Variants in HIP1 observed in about 807,000 individuals in gnomAD.
HIP1 encodes huntingtin-interacting protein 1.
In HIP1, 65 loss-of-function variants were observed where a neutral mutation model predicts 147.6. The ratio of observed to expected loss-of-function variants is 0.44; its 90% CI spans 0.36 to 0.54. The LOEUF (loss-of-function observed/expected upper bound fraction) is 0.54, where lower values mean the gene tolerates loss of function less well. HIP1 is among the 20% of genes least tolerant of loss of function. HIP1 has a pLI of 0.00. For missense variants in HIP1, 1,061 were observed against 1,299.6 expected, an observed-to-expected ratio of 0.82 and a Z score of 2.82; for synonymous variants, 479 against 504.0, an observed-to-expected ratio of 0.95 and a Z score of 0.67.
At chr7:75,603,525 C>A (rs182585870) in intron 1 of HIP1, among the ~76,000 whole-genome samples, 2 of 151,960 alleles carry the variant, frequency 1.3e-5, no homozygotes, top group Non-Finnish European at 2.9e-5. Context: ...GAATGACATG[C>A]GATGCTTCCC....
intron 1 of HIP1, among the ~76,000 whole-genome samples, chr7:75,726,110 C>A (rs141364549): frequency 1.3e-5 from 2 of 152,146 alleles, no homozygotes. Flanking sequence ...TCACAAACTG[C>A]TAGGATTGCA....
chr7:75,728,996 C>A (rs1801742261), intron 1 of HIP1, among the ~76,000 whole-genome samples: 1 of 150,782 alleles, frequency 6.6e-6, no homozygotes. Context: ...ACCTAGGTGA[C>A]AGGATCATTC....
chr7:75,615,374 G>GT (rs1427958391), intron 1 of HIP1, among the ~76,000 whole-genome samples: 3 of 151,866 alleles, frequency 2.0e-5, no homozygotes, highest in Non-Finnish European at 4.4e-5. Flanking sequence ...GGGCAACATG[G>GT]TAAGACCCCA....
At chr7:75,670,878 T>C (rs1353522956) in intron 1 of HIP1, among the ~76,000 whole-genome samples, 1 of 145,922 alleles carries the variant, frequency 6.9e-6, no homozygotes, top group African/African-American at 2.6e-5. Flanking sequence ...TACCTCTGCC[T>C]CCCAAAGTGC....
chr7:75,551,272 A>T (rs1794773899), intron 22 of HIP1, among the ~76,000 whole-genome samples: 1 of 131,952 alleles, frequency 7.6e-6, no homozygotes, highest in African/African-American at 2.9e-5. Context: ...ATCTCGGCTC[A>T]CTGCAGCCTC....
intron 1 of HIP1, among the ~76,000 whole-genome samples, chr7:75,728,724 ATCT>A (rs1468190047): frequency 3.4e-5 from 5 of 146,930 alleles, no homozygotes; most frequent in Non-Finnish European, 7.4e-5. Flanking sequence ...ATTTTTTTTA[ATCT>A]TCTTTTTCAG....
intron 4 of HIP1, among the ~76,000 whole-genome samples, chr7:75,590,891 C>T (rs1289336000): frequency 1.3e-5 from 2 of 152,112 alleles, no homozygotes; most frequent in South Asian, 2.1e-4. Flanking sequence ...CCTGTGTTTC[C>T]TCACCTATGA....
At chr7:75,552,864 A>ATT (rs145931380) in intron 22 of HIP1, among the ~76,000 whole-genome samples, 6 of 144,810 alleles carry the variant, frequency 4.1e-5, no homozygotes, top group South Asian at 2.2e-4. Context: ...TCCTTTTTAA[A>ATT]TTTTTTTTTT....
intron 1 of HIP1, among the ~76,000 whole-genome samples, chr7:75,684,625 T>C (rs190354821): frequency 2.0e-4 from 30 of 152,214 alleles, no homozygotes; most frequent in Non-Finnish European, 3.8e-4. Flanking sequence ...CTGATTAGTA[T>C]CCCACTGTAC....
intron 1 of HIP1, among the ~76,000 whole-genome samples, chr7:75,681,509 T>A (rs1371881018): frequency 1.8e-5 from 2 of 113,476 alleles, no homozygotes; most frequent in Non-Finnish European, 4.0e-5. Flanking sequence ...TTTTTTTTTT[T>A]TTTTTTTTTT....
chr7:75,716,210 A>G (rs1158997645), intron 1 of HIP1, among the ~76,000 whole-genome samples: 2 of 151,844 alleles, frequency 1.3e-5, no homozygotes, highest in African/African-American at 2.4e-5. Context: ...AATCATCACC[A>G]ATCTACGATT....
chr7:75,597,865 T>G lies in HIP1; in HGVS notation c.184+1319A>C, dbSNP rs1259250772. Among the ~76,000 whole-genome samples, 5 of 152,014 alleles carry G rather than the reference T, an allele frequency of 3.3e-5. No homozygotes were observed. The East Asian group carries it at 9.6e-4, about 29-fold the overall frequency. ...ACTCTCTCCTTCAGCCTTTGGGGAT[T>G]AAGCGCTCCAGTTCCTGGATTCTGC... On this transcript the variant is annotated intron_variant, in intron 2 of 30. Transcript: ENST00000336926.
chr7:75,646,640 G>A (rs909998075), intron 1 of HIP1, among the ~76,000 whole-genome samples: 9 of 152,324 alleles, frequency 5.9e-5, no homozygotes, highest in South Asian at 4.1e-4. Context: ...TCCCATATCC[G>A]TGGCCCCCTT....
intron 2 of HIP1, among the ~76,000 whole-genome samples, chr7:75,594,549 G>A (rs587599134): frequency 6.6e-6 from 1 of 152,208 alleles, no homozygotes; most frequent in South Asian, 2.1e-4. Flanking sequence ...GCCGAGGTGG[G>A]CAGATCACGA....
intron 1 of HIP1, among the ~76,000 whole-genome samples, chr7:75,731,235 C>G (rs1324445276): frequency 2.0e-5 from 3 of 151,940 alleles, no homozygotes; most frequent in Non-Finnish European, 4.4e-5. Flanking sequence ...GTAATCCCAG[C>G]ACTTTGGGAG....
At chr7:75,574,261 C>T (rs794351) in intron 7 of HIP1, among the ~76,000 whole-genome samples, 38,462 of 150,662 alleles carry the variant, frequency 0.26, 5,227 homozygotes, top group African/African-American at 0.34. Context: ...CTATTGCACT[C>T]CAGCAACAGA....
At chr7:75,556,250 C>A in intron 17 of HIP1, 81 bp from the exon 18 acceptor site, 2 of 1,512,578 alleles carry the variant, frequency 1.3e-6, no homozygotes, top group South Asian at 1.2e-5. Flanking sequence ...AACCCACCAC[C>A]GGGTTGCAAG....
intron 1 of HIP1, among the ~76,000 whole-genome samples, chr7:75,731,308 C>T (rs1275682958): frequency 6.6e-6 from 1 of 151,412 alleles, no homozygotes; most frequent in Admixed American, 6.6e-5. Flanking sequence ...CATGATGAAA[C>T]CCCGTCTCTA....
intron 1 of HIP1, among the ~76,000 whole-genome samples, chr7:75,706,599 G>C (rs1801009777): frequency 7.1e-6 from 1 of 140,800 alleles, no homozygotes; most frequent in Admixed American, 7.1e-5. Context: ...TGCCATGTTG[G>C]TTTCCTACAC....
Sources: gnomAD v4.1 joint callset for allele counts (sites outside exome capture counted in the v4.1 genomes callset) on GRCh38, gnomAD v4.1.1 for gene constraint, MANE v1.5 for transcripts, NCBI Gene and HGNC (gene_info 2026-07-23, HGNC 2026-07-21) for gene names.